IGSF21: variants seen among roughly 807,000 people sequenced by gnomAD.
The protein encoded by IGSF21 is immunoglobulin superfamily member 21.
Under a neutral mutation model 46.8 loss-of-function variants are expected in IGSF21, and 28 were observed. That is an observed-to-expected ratio of 0.60 (90% CI 0.44 to 0.82). The LOEUF (loss-of-function observed/expected upper bound fraction) is 0.82, where lower values mean the gene tolerates loss of function less well. Ranked by LOEUF, IGSF21 falls within the 40% of genes least tolerant of loss-of-function variation. The probability of loss-of-function intolerance (pLI) is 0.00; values close to 1 mark genes in which losing one functional copy is unlikely to be tolerated. For missense variants in IGSF21, 624 were observed against 665.5 expected (o/e 0.94, Z 0.69); for synonymous variants, 284 against 273.6 (o/e 1.04, Z -0.38).
intron 1 of IGSF21, among the ~76,000 whole-genome samples, chr1:18,165,867 C>T (rs1188083500): frequency 6.6e-6 from 1 of 152,208 alleles, no homozygotes; most frequent in Non-Finnish European, 1.5e-5. Context: ...CAAGTTACTT[C>T]CTCCTTCCTT....
chr1:18,232,411 G>A (rs544505163), intron 2 of IGSF21, among the ~76,000 whole-genome samples: 15 of 152,188 alleles, frequency 9.9e-5, no homozygotes, highest in Middle Eastern at 3.4e-3. Flanking sequence ...TAATTTGAGT[G>A]GCTGACATTA....
rs528042359 is a variant in IGSF21, at chr1:18,253,358, T to C, written c.183+25348T>C. On this transcript the variant is annotated intron_variant, in intron 2 of 9. Coordinates refer to ENST00000251296, the MANE Select transcript of IGSF21 (RefSeq NM_032880.5). Reference sequence around the variant, plus strand: ...ATGAACTTCTGTTGTTTGCCTTGAATCAAATTCACTGGGAGCAGGGGAGCC... The same window carrying C: ...ATGAACTTCTGTTGTTTGCCTTGAACCAAATTCACTGGGAGCAGGGGAGCC... 5.3e-5 allele frequency among the ~76,000 whole-genome samples: 8 copies of C among 152,292 alleles called. No individual in the cohort carries two copies. The East Asian group carries it at 1.5e-3, about 29-fold the overall frequency.
At chr1:18,112,668 G>A (rs1015726119) in intron 1 of IGSF21, 2 of 152,250 alleles carry the variant, frequency 1.3e-5, no homozygotes, top group Non-Finnish European at 2.9e-5. Context: ...CATTTCCTGA[G>A]CCCCAGCCAC....
Position 18,365,185 on chromosome 1 carries a change from C to CA in IGSF21, c.541-37dup. 1.3e-6 allele frequency: 2 copies of CA among 1,515,832 alleles called. No individual in the cohort carries two copies. The highest frequency in any genetic ancestry group is 2.7e-5 in the African/African-American group (2 of 72,786). 93.9% of individuals were successfully genotyped at this position (1,515,832 alleles called of 1,614,324 possible). ...CCCACTGGGAGGTTGAAGTTAGTAG[C>CA]ACAAAATCATTTTCCCACACCCTCC... is the stretch of plus-strand genomic sequence containing the variant. On this transcript the variant is annotated intron_variant, in intron 5 of 9. Transcript: ENST00000251296. The surrounding 1 kb of genome is among the most constrained non-coding windows in gnomAD (Gnocchi z 4.8).
chr1:18,135,043 A>G (rs1188161486), intron 1 of IGSF21, among the ~76,000 whole-genome samples: 1 of 152,190 alleles, frequency 6.6e-6, no homozygotes, highest in African/African-American at 2.4e-5. Flanking sequence ...GAGCTGGGGT[A>G]TTGAGCTCCT....
chr1:18,351,187 G>A (rs1325795951), intron 4 of IGSF21, among the ~76,000 whole-genome samples: 2 of 151,884 alleles, frequency 1.3e-5, no homozygotes, highest in Non-Finnish European at 2.9e-5. Context: ...CTTTTCCCCT[G>A]ACACAATAAT....
chr1:18,336,110 A>G (rs1020146810), intron 4 of IGSF21, among the ~76,000 whole-genome samples: 1 of 152,186 alleles, frequency 6.6e-6, no homozygotes, highest in Non-Finnish European at 1.5e-5. Context: ...ATGCATCACA[A>G]TGTACTGAGC....
intron 1 of IGSF21, among the ~76,000 whole-genome samples, chr1:18,213,329 C>T (rs190400364): frequency 9.2e-5 from 14 of 152,274 alleles, no homozygotes; most frequent in African/African-American, 2.9e-4. Context: ...ATTTCAGCAG[C>T]TTAACACAGT....
In IGSF21 at chr1:18,365,780, G is replaced by T. The variant is rs2086159439; in HGVS notation, c.1015+83G>T. The T allele has an allele frequency of 1.7e-6, 2 of 1,156,832 alleles. No individual in the cohort carries two copies. The highest frequency in any genetic ancestry group is 3.1e-5 in the African/African-American group (2 of 64,310). The allele number at this position is 1,156,832 out of a possible 1,614,324, so 71.7% of individuals were successfully genotyped here. A position where few individuals can be genotyped will look rare whatever the true frequency, so the allele number is the denominator to read the frequency against. ...CCTTGGAATAGGGTTCCTGGGCTGA[G>T]GACAGCCATGGAAAGGGGGAGGAGA... On this transcript the variant is annotated intron_variant, in intron 6 of 9. Transcript: ENST00000251296. This position sits in a 1 kb window ranked among gnomAD's most constrained non-coding sequence, Gnocchi z 4.8.
intron 1 of IGSF21, among the ~76,000 whole-genome samples, chr1:18,182,702 T>C (rs2086868350): frequency 6.6e-6 from 1 of 152,208 alleles, no homozygotes; most frequent in Non-Finnish European, 1.5e-5. Flanking sequence ...TGAAACTCTT[T>C]CCTGAGTTCT....
At chr1:18,282,688 C>G (rs1033572744) in intron 2 of IGSF21, among the ~76,000 whole-genome samples, 3 of 150,066 alleles carry the variant, frequency 2.0e-5, no homozygotes, top group African/African-American at 7.5e-5. Context: ...ACACCCTTTC[C>G]CGGAGTGAGG....
intron 2 of IGSF21, among the ~76,000 whole-genome samples, chr1:18,281,168 C>T (rs188839910): frequency 2.0e-5 from 3 of 152,220 alleles, no homozygotes; most frequent in Admixed American, 6.5e-5. Flanking sequence ...AATGAATGAA[C>T]AGGTGAGTGA....
chr1:18,159,867 G>C (rs1341935069), intron 1 of IGSF21, among the ~76,000 whole-genome samples: 1 of 152,068 alleles, frequency 6.6e-6, no homozygotes, highest in Non-Finnish European at 1.5e-5. Flanking sequence ...ATTTTTGGTA[G>C]AGATTGGATT....
intron 3 of IGSF21, among the ~76,000 whole-genome samples, chr1:18,299,364 T>G (rs1466827885): frequency 6.6e-6 from 1 of 152,258 alleles, no homozygotes; most frequent in Non-Finnish European, 1.5e-5. Context: ...AAAAGTTAAA[T>G]GATCCTTCTA....
At chr1:18,247,311 G>A (rs2084794858) in intron 2 of IGSF21, among the ~76,000 whole-genome samples, 1 of 152,132 alleles carries the variant, frequency 6.6e-6, no homozygotes, top group Admixed American at 6.5e-5. Flanking sequence ...CTGTGCTGGG[G>A]ATTGAAGGAG....
Position 18,334,754 on chromosome 1 carries a change from C to A in IGSF21, c.306-138C>A, listed in dbSNP as rs925759897. The A allele has an allele frequency of 4.3e-6, 3 of 691,344 alleles. No homozygotes were observed. The highest frequency in any genetic ancestry group is 7.9e-6 in the Non-Finnish European group (3 of 381,880). The allele number at this position is 691,344 out of a possible 1,614,324, so 42.8% of individuals were successfully genotyped here. On this transcript the variant is annotated intron_variant, in intron 3 of 9. Coordinates refer to ENST00000251296, the MANE Select transcript of IGSF21 (RefSeq NM_032880.5). The surrounding 1 kb of genome is among the most constrained non-coding windows in gnomAD (Gnocchi z 4.3). ...TACAGTCGGTGTTCCATAAATGCTC[C>A]CCTCCTCCCAGCCCAGCACACAGGC...
chr1:18,328,506 A>G (rs1462853877), intron 3 of IGSF21, among the ~76,000 whole-genome samples: 1 of 152,198 alleles, frequency 6.6e-6, no homozygotes, highest in African/African-American at 2.4e-5. Context: ...GACCTTCTGT[A>G]TTGTTTTGTC....
At position 18,290,119 on chromosome 1, in the gene IGSF21, G is replaced by A. The variant is rs1183050799; in HGVS notation, c.184-1747G>A. Among the ~76,000 whole-genome samples, 3 of 152,188 alleles carry A rather than the reference G, an allele frequency of 2.0e-5. No homozygotes were observed. Among genetic ancestry groups the A allele is most frequent in the Non-Finnish European group, 4.4e-5 (3 of 68,038 alleles). ...GAGTCAAGGTGTGGTTGGTTGGGGTGAGCATCTTTCTTGGGGTGAGTGCCA... is the reference window on the plus strand; with the variant it reads ...GAGTCAAGGTGTGGTTGGTTGGGGTAAGCATCTTTCTTGGGGTGAGTGCCA... On this transcript the variant is annotated intron_variant, in intron 2 of 9. Transcript: ENST00000251296. The surrounding 1 kb of genome is among the most constrained non-coding windows in gnomAD (Gnocchi z 4.2).
intron 3 of IGSF21, among the ~76,000 whole-genome samples, chr1:18,296,663 A>C (rs2124570635): frequency 6.6e-6 from 1 of 152,190 alleles, no homozygotes; most frequent in Middle Eastern, 3.4e-3. Context: ...TAAAATATTC[A>C]ATATACCAAG....
Sources: allele counts gnomAD v4.1 joint callset (sites outside exome capture counted in the v4.1 genomes callset), GRCh38; gene constraint gnomAD v4.1.1; non-coding constraint Gnocchi (gnomAD v3.1); transcripts MANE v1.5; gene names NCBI Gene and HGNC (gene_info 2026-07-23, HGNC 2026-07-21).